The following PKD1 variants were observed in gnomAD, a reference collection of about 807,000 sequenced individuals.
The protein encoded by PKD1 is polycystin 1, transient receptor potential channel interacting, also known as polycystin-1.
A neutral mutation model predicts 361.7 loss-of-function variants in PKD1; 81 were observed. The observed-to-expected ratio is 0.22, with a 90% CI of 0.19 to 0.27. The LOEUF is 0.27. Among genes scored for constraint, PKD1 ranks in the 10% least tolerant of loss-of-function variants. The probability of loss-of-function intolerance (pLI) is 1.00; values close to 1 mark genes in which losing one functional copy is unlikely to be tolerated. For synonymous variants in PKD1, 3,615 were observed against 2,818.3 expected (o/e 1.28, Z -8.95); for missense variants, 6,399 against 6,118.3 (o/e 1.05, Z -1.53).
chr16:2,105,987 C>G lies in PKD1; in HGVS notation c.7741G>C (p.Ala2581Pro). The G allele has an allele frequency of 1.9e-6, 3 of 1,603,344 alleles. No homozygotes were observed. Among genetic ancestry groups the G allele is most frequent in the Non-Finnish European group, 2.5e-6 (3 of 1,179,616 alleles). The change falls in exon 20 of 46, where the codon GCA becomes CCA. Residue 2581 changes from alanine to proline, a missense_variant. Physicochemically the swap from Ala to Pro is conservative, Grantham distance 27 (BLOSUM62 -1). Transcript: ENST00000262304. The stretch of plus-strand genomic sequence containing the variant: ...TGCAGCCAGACTGTGAGCCCCGTTG[C>G]GCTGCCGTTGGGCTCTGGGAGGGTG... ...AITLPEPNGSATGLTVWLHGL... is the reference protein window; with the variant it reads ...AITLPEPNGSPTGLTVWLHGL...
At chr16:2,125,073 G>A (rs1446719547) in intron 1 of PKD1, among the ~76,000 whole-genome samples, 1 of 152,250 alleles carries the variant, frequency 6.6e-6, no homozygotes, top group East Asian at 1.9e-4. Context: ...TTCCTCGCTG[G>A]GCCAGCCGAG....
In PKD1 at chr16:2,115,585, C is replaced by T. The variant is rs1344519371; in HGVS notation, c.1890G>A (p.Pro630=). The T allele has an allele frequency of 1.6e-5, 26 of 1,594,186 alleles. No homozygotes were observed. The highest frequency in any genetic ancestry group is 9.5e-5 in the African/African-American group (7 of 73,844). The change falls in exon 10 of 46, where the codon CCG becomes CCA. Residue 630 remains proline (P), a synonymous_variant. Transcript: ENST00000262304. Reference sequence around the variant, plus strand: ...CGGGGGCCAGCTGGGTCCTGTTGTCCGGGGACCTGCTCTCAGGCTCGCTGC... The same window carrying T: ...CGGGGGCCAGCTGGGTCCTGTTGTCTGGGGACCTGCTCTCAGGCTCGCTGC... ...ENGSEPESRS[P]DNRTQLAPAC... is the part of the protein sequence containing the mutation.
rs757202220 is a variant in PKD1 at position 2,106,274 on chromosome 16, G to A, written c.7520C>T (p.Pro2507Leu). The A allele has an allele frequency of 2.4e-5, 39 of 1,609,904 alleles. No individual in the cohort carries two copies. The highest frequency in any genetic ancestry group is 6.6e-5 in the South Asian group (6 of 90,962). Residue 2507 changes from proline to leucine, a missense_variant, in exon 19 of 46, where the codon CCG (proline) becomes CTG (leucine). Physicochemically the swap from Pro to Leu is moderately conservative, Grantham distance 98. Coordinates refer to ENST00000262304, the MANE Select transcript of PKD1 (RefSeq NM_001009944.3). This position sits in a 1 kb window ranked among gnomAD's most constrained non-coding sequence, Gnocchi z 6.5. ...GWHDAEDAGA[P>L]LVYALLLRRC... ...CCGCAGCAGCAGGGCGTACACCAGC[G>A]GGGCGCCAGCATCCTCCGCGTCATG...
chr16:2,109,015 C>T lies in PKD1; in HGVS notation c.6152G>A (p.Arg2051His), dbSNP rs748762026. 3.5e-5 allele frequency: 56 copies of T among 1,610,342 alleles called. 1 individual carries two copies. The Middle Eastern group carries it at 9.5e-4, about 27-fold the overall frequency. Residue 2051 changes from arginine to histidine, a missense_variant, in exon 15 of 46, where the codon CGC becomes CAC. Arg to His is a conservative substitution (Grantham distance 29). Coordinates refer to ENST00000262304, the MANE Select transcript of PKD1 (RefSeq NM_001009944.3). ...RAFNALGSEN[R>H]TLVLEVQDAV... ...GTCCTGAACCTCCAGCACCAGCGTG[C>T]GGTTCTCACTGCCCAGGGCGTTGAA...
chr16:2,110,897 T>G lies in PKD1; in HGVS notation c.4270A>C (p.Thr1424Pro). The G allele has an allele frequency of 2.5e-6, 4 of 1,611,102 alleles. No individual in the cohort carries two copies. The highest frequency in any genetic ancestry group is 2.5e-6 in the Non-Finnish European group (3 of 1,179,556). ...WDFGTEEAAPTRARGPEVTFI... is the reference protein window; with the variant it reads ...WDFGTEEAAPPRARGPEVTFI... ...GTCACCTCAGGGCCCCTGGCACGGG[T>G]GGGGGCGGCTTCCTCGGTGCCAAAG... Residue 1424 changes from threonine (T) to proline (P), a missense_variant, in exon 15 of 46, where the codon ACC becomes CCC. Transcript: ENST00000262304.
chr16:2,123,386 G>T, intron 1 of PKD1: 1 of 442,854 alleles, frequency 2.3e-6, no homozygotes, highest in South Asian at 1.6e-5. Context: ...CCTGGGTGTG[G>T]AAGCATCTGC....
Position 2,112,977 on chromosome 16 carries a change from C to T in PKD1, c.2986-14G>A, listed in dbSNP as rs376382731. Reference sequence around the variant, plus strand: ...GGAGGCCGTCAGCTGCAGGGACAGGCGTCAGTGAGCCCAGGTGGCAGGTGA... The same window carrying T: ...GGAGGCCGTCAGCTGCAGGGACAGGTGTCAGTGAGCCCAGGTGGCAGGTGA... On this transcript the variant is annotated splice_polypyrimidine_tract_variant and intron_variant, in intron 12 of 45. Coordinates refer to ENST00000262304, the MANE Select transcript of PKD1 (RefSeq NM_001009944.3). The T allele has an allele frequency of 3.3e-5, 53 of 1,596,032 alleles. 1 individual carries two copies. The highest frequency in any genetic ancestry group is 2.3e-4 in the Middle Eastern group (1 of 4,424).
Position 2,103,759 on chromosome 16 carries a change from G to C in PKD1, c.8298C>G (p.Ser2766=), listed in dbSNP as rs145850037. The C allele has an allele frequency of 2.4e-4, 387 of 1,609,972 alleles. 3 individuals are homozygous for C. The East Asian group carries it at 8.4e-3, about 35-fold the overall frequency. The change falls in exon 23 of 46, where the codon TCC becomes TCG. Residue 2766 remains serine (S), a synonymous_variant. Transcript: ENST00000262304. The part of the protein sequence containing the change: ...TSALMRILMR[S]RVLNEEPLTL... ...TCAGGGGCTCCTCGTTGAGCACGCGGGAGCGCATGAGGATGCGCATGAGGG... is the reference window on the plus strand; with the variant it reads ...TCAGGGGCTCCTCGTTGAGCACGCGCGAGCGCATGAGGATGCGCATGAGGG...
At chr16:2,116,263 G>T in intron 8 of PKD1, 145 bp from the exon 9 acceptor site, 2 of 855,382 alleles carry the variant, frequency 2.3e-6, no homozygotes, top group Non-Finnish European at 3.8e-6. Context: ...TCGCTCGAGA[G>T]GAAGACTCCG....
At chr16:2,126,784 G>A (rs867524986) in intron 1 of PKD1, among the ~76,000 whole-genome samples, 1 of 152,262 alleles carries the variant, frequency 6.6e-6, no homozygotes, top group African/African-American at 2.4e-5. Context: ...ATTCCTTGCT[G>A]GAAAGCAGAT....
At chr16:2,124,041 G>A (rs1596607147) in intron 1 of PKD1, among the ~76,000 whole-genome samples, 1 of 152,288 alleles carries the variant, frequency 6.6e-6, no homozygotes, top group South Asian at 2.1e-4. Flanking sequence ...GCGGCTGCTG[G>A]GGCACCACTG....
rs776960886 is a variant in PKD1, at chr16:2,111,218, C to T, written c.3949G>A (p.Val1317Ile). The part of the protein sequence containing the change: ...TQPDARLTAY[V>I]TGNPAHYLFD... ...AGGTAGTGGGCCGGGTTCCCGGTGA[C>T]GTAGGCCGTGAGCCGCGCGTCAGGC... is the stretch of plus-strand genomic sequence containing the variant. Residue 1317 changes from valine to isoleucine, a missense_variant, in exon 15 of 46, where the codon GTC becomes ATC. By Grantham distance (29) the Val-to-Ile change is conservative (BLOSUM62 3). Coordinates refer to ENST00000262304, the MANE Select transcript of PKD1 (RefSeq NM_001009944.3). 31 of 1,611,164 alleles carry T rather than the reference C, an allele frequency of 1.9e-5. No homozygotes were observed. Among genetic ancestry groups the T allele is most frequent in the Admixed American group, 3.3e-5 (2 of 59,972 alleles).
Position 2,107,982 on chromosome 16 carries a change from C to T in PKD1, c.6966G>A (p.Thr2322=), listed in dbSNP as rs1353263748. Residue 2322 remains threonine, a synonymous_variant, in exon 16 of 46, where the codon ACG becomes ACA. Transcript: ENST00000262304. ...ALNFGPRGSS[T]VTIPRERLAA... Reference sequence around the variant, plus strand: ...CCAGCCGCTCCCGTGGAATGGTGACCGTGCTGCTCCCGCGGGGCCCAAAGT... The same window carrying T: ...CCAGCCGCTCCCGTGGAATGGTGACTGTGCTGCTCCCGCGGGGCCCAAAGT... 1.3e-5 allele frequency: 20 copies of T among 1,548,220 alleles called. No homozygotes were observed. The highest frequency in any genetic ancestry group is 4.9e-5 in the East Asian group (2 of 41,056).
chr16:2,106,067 G>T lies in PKD1; in HGVS notation c.7703+24C>A, dbSNP rs375130579. The T allele has an allele frequency of 3.8e-3, 6,115 of 1,606,234 alleles. 14 individuals carry two copies. Among genetic ancestry groups the T allele is most frequent in the Admixed American group, 5.8e-3 (348 of 59,914 alleles). On this transcript the variant is annotated intron_variant, in intron 19 of 45. Coordinates refer to ENST00000262304, the MANE Select transcript of PKD1 (RefSeq NM_001009944.3). The surrounding 1 kb of genome is among the most constrained non-coding windows in gnomAD (Gnocchi z 6.5). ...TGGTGAGCAGGTGGCAGTCTCGGGG[G>T]CGCCCTCCCACGGCCTGGCTCACCT...
chr16:2,094,034 CTG>C (rs1229928837), intron 35 of PKD1, 21 bp from the exon 36 acceptor site: 1 of 1,592,214 alleles, frequency 6.3e-7, no homozygotes, highest in Non-Finnish European at 8.5e-7. Flanking sequence ...AGAGACAGAC[CTG>C]TGAGAGGCAG....
intron 25 of PKD1, 53 bp from the exon 26 acceptor site, chr16:2,102,309 T>G (rs2092127545): frequency 1.9e-5 from 29 of 1,493,154 alleles, no homozygotes; most frequent in Middle Eastern, 2.4e-4. Flanking sequence ...CTGTGCCTTC[T>G]CAGGATAGAG....
rs557431619 is a variant in PKD1 at position 2,097,536 on chromosome 16, G to A, written c.10221-33C>T. ...TGGCGCGGGTCAGCAAGGTACCAGG[G>A]GATGTGTCACACACACAGCCCACCC... On this transcript the variant is annotated intron_variant, in intron 32 of 45. Transcript: ENST00000262304. The A allele has an allele frequency of 1.8e-5, 29 of 1,602,594 alleles. No homozygotes were observed. The Admixed American group carries it at 1.8e-4, about 10-fold the overall frequency.
In PKD1 at chr16:2,116,628, G is replaced by A. The variant is rs760316412; in HGVS notation, c.1623C>T (p.Ala541=). ...TGGGCGCTCCCACGAGGAGGTTCTC[G>A]GCATCCTGCACTGGGCCTGGGGTGG... The part of the protein sequence containing the change: ...ELQPGGPVQD[A]ENLLVGAPSG... The change falls in exon 8 of 46, where the codon GCC becomes GCT. Residue 541 remains alanine, a synonymous_variant. Transcript: ENST00000262304. The A allele has an allele frequency of 1.9e-5, 30 of 1,541,542 alleles. No homozygotes were observed. The highest frequency in any genetic ancestry group is 3.8e-5 in the Admixed American group (2 of 53,296).
intron 37 of PKD1, 153 bp from the exon 38 acceptor site, chr16:2,093,246 G>T (rs2855362): frequency 1.1e-6 from 1 of 893,372 alleles, no homozygotes; most frequent in Non-Finnish European, 1.8e-6. Flanking sequence ...CCAGGGTAAT[G>T]GCAGCACACA....
Sources: allele counts gnomAD v4.1 joint callset (sites outside exome capture counted in the v4.1 genomes callset), GRCh38; gene constraint gnomAD v4.1.1; non-coding constraint Gnocchi (gnomAD v3.1); transcripts MANE v1.5; gene names NCBI Gene and HGNC (gene_info 2026-07-23, HGNC 2026-07-21).